The following PNO1 variants were observed in gnomAD, a reference collection of about 807,000 sequenced individuals.
PNO1 encodes RNA-binding protein PNO1.
A neutral mutation model predicts 28.4 loss-of-function variants in PNO1; 16 were observed. That is an observed-to-expected ratio of 0.56 (90% confidence interval 0.38 to 0.85). PNO1 has a LOEUF of 0.85. PNO1 is among the 40% of genes least tolerant of loss of function. The pLI, the probability that PNO1 is intolerant of heterozygous loss-of-function variation, is 0.00. For synonymous variants in PNO1, 115 were observed against 110.8 expected (o/e 1.04, Z -0.24); for missense variants, 304 against 312.2 (o/e 0.97, Z 0.20).
chr2:68,162,310 T>A lies in PNO1; in HGVS notation c.487T>A (p.Phe163Ile). 1 of 1,612,416 alleles carries A rather than the reference T, an allele frequency of 6.2e-7. No individual in the cohort carries two copies. The highest frequency in any genetic ancestry group is 8.5e-7 in the Non-Finnish European group (1 of 1,178,846). Residue 163 changes from phenylalanine (F) to isoleucine (I), a missense_variant, in exon 4 of 7, where the codon TTT (phenylalanine) becomes ATT (isoleucine). Phe to Ile is a conservative substitution (Grantham distance 21). Coordinates refer to ENST00000263657, the MANE Select transcript of PNO1 (RefSeq NM_020143.4). ...IRLDDLFLES[F>I]EITDVKPLKG... The stretch of plus-strand genomic sequence containing the variant: ...GTTGGATGACCTCTTCCTAGAGTCT[T>A]TTGAAATTACAGATGGTGAGTGTGT...
chr2:68,173,162 C>T (rs1215528357), intron 5 of PNO1, 185 bp from the exon 6 acceptor site: 2 of 444,394 alleles, frequency 4.5e-6, no homozygotes, highest in East Asian at 7.8e-5. Flanking sequence ...TCTACAGGCA[C>T]GTGCTACTAC....
Position 68,175,856 on chromosome 2 carries a change from G to A in PNO1, c.*1054G>A, listed in dbSNP as rs552174926. ...ACCAAAAGTCAAACATCATAGCTTA[G>A]CCTACCTTAAAAGGGCTCCGAACAC... On this transcript the variant is annotated 3_prime_UTR_variant, in exon 7 of 7. Transcript: ENST00000263657. The A allele has an allele frequency of 1.3e-5, 2 of 152,156 alleles. No individual in the cohort carries two copies. Among genetic ancestry groups the A allele is most frequent in the Non-Finnish European group, 2.9e-5 (2 of 68,028 alleles). 9.4% of individuals were successfully genotyped at this position (152,156 alleles called of 1,614,324 possible). A position where few individuals can be genotyped will look rare whatever the true frequency, so the allele number is the denominator to read the frequency against.
In PNO1 at chr2:68,162,663, T is replaced by C; in HGVS notation, c.620T>C (p.Val207Ala). The C allele has an allele frequency of 6.5e-7, 1 of 1,527,054 alleles. No homozygotes were observed. Among genetic ancestry groups the C allele is most frequent in the Non-Finnish European group, 9.1e-7 (1 of 1,100,956 alleles). The allele number at this position is 1,527,054 out of a possible 1,614,324, so 94.6% of individuals were successfully genotyped here. ...CGGACAAGGATAGTTTTGGCTGATG[T>C]GTAAGTATCTGATCTTGAGAAAATT... ...VTRTRIVLAD[V>A]KVHILGSFQN... Residue 207 changes from valine (V) to alanine (A), a missense_variant and splice_region_variant, in exon 5 of 7, where the codon GTG becomes GCG. By Grantham distance (64) the Val-to-Ala change is moderately conservative. Coordinates refer to ENST00000263657, the MANE Select transcript of PNO1 (RefSeq NM_020143.4).
chr2:68,165,972 G>A (rs778976552), intron 5 of PNO1, among the ~76,000 whole-genome samples: 1 of 152,206 alleles, frequency 6.6e-6, no homozygotes, highest in African/African-American at 2.4e-5. Context: ...TTTATGGTCA[G>A]TTGCCTGCCC....
Position 68,170,747 on chromosome 2 carries a change from C to CAAA in PNO1, c.621-2580_621-2578dup, listed in dbSNP as rs767088135. Among the ~76,000 whole-genome samples the CAAA allele has an allele frequency of 6.5e-3, 390 of 60,114 alleles. 5 individuals carry two copies. Among genetic ancestry groups the CAAA allele is most frequent in the South Asian group, 0.018 (24 of 1,340 alleles). 39.4% of individuals were successfully genotyped at this position (60,114 alleles called of 152,430 possible). On this transcript the variant is annotated intron_variant, in intron 5 of 6. Transcript: ENST00000263657. Reference sequence around the variant, plus strand: ...TGGGGGACAGAGCAAGACTCCGTCTCAAAAAAAAAAAAAAAAAAAAAAGCC... The same window carrying CAAA: ...TGGGGGACAGAGCAAGACTCCGTCTCAAAAAAAAAAAAAAAAAAAAAAAAAGCC...
In PNO1 at chr2:68,157,934, G is replaced by T. The variant is rs768959768; in HGVS notation, c.-1G>T. On this transcript the variant is annotated 5_prime_UTR_variant, in exon 1 of 7. Transcript: ENST00000263657. ...CCGGCAGCGCTTTAAGATTTCCGGGGATGGAATCCGAAATGGAAACGCAGA... is the reference window on the plus strand; with the variant it reads ...CCGGCAGCGCTTTAAGATTTCCGGGTATGGAATCCGAAATGGAAACGCAGA... The T allele has an allele frequency of 4.3e-6, 7 of 1,613,626 alleles. No homozygotes were observed. The African/African-American group carries it at 8.0e-5, about 18-fold the overall frequency.
chr2:68,173,943 G>T (rs992369394), intron 6 of PNO1, among the ~76,000 whole-genome samples: 25 of 152,076 alleles, frequency 1.6e-4, no homozygotes, highest in Non-Finnish European at 2.8e-4. Context: ...GTGTTTATTG[G>T]GTAATATTGC....
intron 5 of PNO1, 124 bp from the exon 6 acceptor site, chr2:68,173,223 T>C (rs890946971): frequency 1.5e-6 from 1 of 665,490 alleles, no homozygotes; most frequent in African/African-American, 1.8e-5. Context: ...CATTATGCTG[T>C]CCAGGCTTGT....
At chr2:68,172,031 T>C (rs770645826) in intron 5 of PNO1, among the ~76,000 whole-genome samples, 3 of 152,086 alleles carry the variant, frequency 2.0e-5, no homozygotes, top group Non-Finnish European at 4.4e-5. Context: ...TGACCATGGA[T>C]GGAAGAGGCT....
intron 2 of PNO1, among the ~76,000 whole-genome samples, chr2:68,159,239 G>A (rs1315967098): frequency 2.1e-5 from 3 of 146,064 alleles, no homozygotes; most frequent in East Asian, 2.0e-4. Flanking sequence ...ATTTTGATAA[G>A]AAACATGCAT....
In PNO1 at chr2:68,157,915, G is replaced by C; in HGVS notation, c.-20G>C. The C allele has an allele frequency of 6.2e-7, 1 of 1,610,382 alleles. No individual in the cohort carries two copies. Among genetic ancestry groups the C allele is most frequent in the Non-Finnish European group, 8.5e-7 (1 of 1,177,148 alleles). On this transcript the variant is annotated 5_prime_UTR_variant, in exon 1 of 7. Coordinates refer to ENST00000263657, the MANE Select transcript of PNO1 (RefSeq NM_020143.4). ...AGCTGCGCACGTGTTTCAGCCGGCA[G>C]CGCTTTAAGATTTCCGGGGATGGAA...
chr2:68,174,532 ATAAG>A (rs1283285384), intron 6 of PNO1, among the ~76,000 whole-genome samples, 199 bp from the exon 7 acceptor site: 4 of 152,304 alleles, frequency 2.6e-5, no homozygotes, highest in Admixed American at 6.5e-5. Flanking sequence ...ATTAGGTATT[ATAAG>A]TAATCTAGAG....
Position 68,158,059 on chromosome 2 carries a change from G to A in PNO1, c.125G>A (p.Gly42Glu). 2 of 1,613,970 alleles carry A rather than the reference G, an allele frequency of 1.2e-6. No homozygotes were observed. The highest frequency in any genetic ancestry group is 2.2e-5 in the South Asian group (2 of 91,084). The change falls in exon 1 of 7, where the codon GGG (glycine) becomes GAG (glutamate). Residue 42 changes from glycine (G) to glutamate (E), a missense_variant. Physicochemically the swap from Gly to Glu is moderately conservative, Grantham distance 98. Transcript: ENST00000263657. ...AEQLSAAGEG[G>E]DAGRMDTEEA... ...CAGCTGTCCGCAGCAGGAGAGGGCG[G>A]GGATGCGGGCCGCATGGACACAGAG...
At chr2:68,162,923 G>C (rs1261513517) in intron 5 of PNO1, among the ~76,000 whole-genome samples, 2 of 152,214 alleles carry the variant, frequency 1.3e-5, no homozygotes, top group Non-Finnish European at 2.9e-5. Flanking sequence ...GTTGGGCAAA[G>C]TCATCCGACA....
intron 6 of PNO1, among the ~76,000 whole-genome samples, chr2:68,174,532 A>G (rs185431123): frequency 5.1e-4 from 77 of 152,304 alleles, no homozygotes; most frequent in African/African-American, 1.6e-3. Context: ...ATTAGGTATT[A>G]TAAGTAATCT....
chr2:68,168,179 G>A (rs1013179500), intron 5 of PNO1, among the ~76,000 whole-genome samples: 13 of 152,200 alleles, frequency 8.5e-5, no homozygotes, highest in Non-Finnish European at 1.8e-4. Context: ...TATTTAACAG[G>A]TTATAGGAGG....
chr2:68,161,477 C>T, intron 2 of PNO1: 1 of 548,006 alleles, frequency 1.8e-6, no homozygotes, highest in Non-Finnish European at 3.3e-6. Flanking sequence ...GGTGGAACAG[C>T]CAAGCTTTGG....
chr2:68,173,719 A>G (rs980636115), intron 6 of PNO1, among the ~76,000 whole-genome samples: 1 of 151,610 alleles, frequency 6.6e-6, no homozygotes, highest in African/African-American at 2.4e-5. Flanking sequence ...AGTAGCTGAG[A>G]CTAAAGACGC....
At chr2:68,168,060 A>G (rs1674036395) in intron 5 of PNO1, among the ~76,000 whole-genome samples, 1 of 152,222 alleles carries the variant, frequency 6.6e-6, no homozygotes, top group Admixed American at 6.5e-5. Context: ...CAGGGTGGCC[A>G]TTCTGACAGG....
Sources: allele counts gnomAD v4.1 joint callset (sites outside exome capture counted in the v4.1 genomes callset), GRCh38; gene constraint gnomAD v4.1.1; transcripts MANE v1.5; gene names NCBI Gene and HGNC (gene_info 2026-07-23, HGNC 2026-07-21).